The following DENND2D variants were observed in gnomAD, a reference collection of about 807,000 sequenced individuals.
The protein encoded by DENND2D is DENN domain-containing protein 2D.
A neutral mutation model predicts 59.8 loss-of-function variants in DENND2D; 37 were observed. The ratio of observed to expected loss-of-function variants is 0.62; its 90% CI spans 0.48 to 0.81. The LOEUF (loss-of-function observed/expected upper bound fraction) is 0.81. DENND2D is among the 40% of genes least tolerant of loss of function. The pLI is 0.00. For missense variants in DENND2D, 525 were observed against 579.7 expected (o/e 0.91, Z 0.97); for synonymous variants, 219 against 211.3 (o/e 1.04, Z -0.31).
At chr1:111,200,013 G>T in intron 1 of DENND2D, 1 of 639,902 alleles carries the variant, frequency 1.6e-6, no homozygotes, top group Non-Finnish European at 2.6e-6. Flanking sequence ...GAGCCAAGCA[G>T]AGGAAAGAAA....
intron 9 of DENND2D, 31 bp downstream of exon 9, chr1:111,189,181 G>T (rs1480328570): frequency 6.2e-7 from 1 of 1,612,856 alleles, no homozygotes; most frequent in South Asian, 1.1e-5. Flanking sequence ...TTGTTGATAG[G>T]CCTGCAGGGG....
chr1:111,188,256 T>C lies in DENND2D; in HGVS notation c.1214A>G (p.Gln405Arg). 1 of 1,614,234 alleles carries C rather than the reference T, an allele frequency of 6.2e-7. No homozygotes were observed. The highest frequency in any genetic ancestry group is 8.5e-7 in the Non-Finnish European group (1 of 1,180,042). The change falls in exon 11 of 12, where the codon CAA (glutamine) becomes CGA (arginine). Residue 405 changes from glutamine (Q) to arginine (R), a missense_variant. Gln to Arg is a conservative substitution (Grantham distance 43). Coordinates refer to ENST00000357640, the MANE Select transcript of DENND2D (RefSeq NM_024901.5). Reference protein sequence around the residue: ...KREANGQGHFQERSFCKALTS... With the variant: ...KREANGQGHFRERSFCKALTS... The stretch of plus-strand genomic sequence containing the variant: ...CAGAGCCTTACAGAAGGATCTTTCT[T>C]GGAAGTGGCCTTGCCCATTTGCCTC...
rs1194295367 is a variant in DENND2D at position 111,188,220 on chromosome 1, G to A, written c.1250C>T (p.Thr417Ile). 1.9e-6 allele frequency: 3 copies of A among 1,614,180 alleles called. No homozygotes were observed. The highest frequency in any genetic ancestry group is 1.1e-5 in the South Asian group (1 of 91,080). ...RSFCKALTSK[T>I]NRRFVKKFVK... is the part of the protein sequence containing the mutation. ...AAACTTCTTCACAAATCGGCGGTTG[G>A]TCTTGGAGGTCAGAGCCTTACAGAA... is the stretch of plus-strand genomic sequence containing the variant. The change falls in exon 11 of 12, where the codon ACC becomes ATC. Residue 417 changes from threonine (T) to isoleucine (I), a missense_variant. This residue lies in a region of DENND2D where 225 missense variants were observed against 252.4 expected (regional missense o/e 0.89). Transcript: ENST00000357640.
chr1:111,188,477 C>T, intron 10 of DENND2D, 107 bp from the exon 11 acceptor site: 4 of 1,497,244 alleles, frequency 2.7e-6, no homozygotes, highest in Non-Finnish European at 3.6e-6. Context: ...TGGGGAAAGC[C>T]ATAGGGTAGG....
Position 111,197,171 on chromosome 1 carries a change from C to G in DENND2D, c.504+5G>C. On this transcript the variant is annotated splice_donor_5th_base_variant and intron_variant, in intron 5 of 11. Coordinates refer to ENST00000357640, the MANE Select transcript of DENND2D (RefSeq NM_024901.5). ...TGGGCAGGCCCTGAGGAATCCTATC[C>G]CTACCTTGGAGAACAAGCCGAAGCA... 6.2e-7 allele frequency: 1 copy of G among 1,605,982 alleles called. No homozygotes were observed. Among genetic ancestry groups the G allele is most frequent in the South Asian group, 1.1e-5 (1 of 89,814 alleles).
chr1:111,204,494 C>CT, upstream of DENND2D: 1 of 920,328 alleles, frequency 1.1e-6, no homozygotes. Context: ...GCGCACCTTC[C>CT]GGACTCCGGC....
chr1:111,189,081 T>G (rs748783750), intron 9 of DENND2D, 131 bp downstream of exon 9: 7 of 1,037,942 alleles, frequency 6.7e-6, no homozygotes, highest in African/African-American at 1.6e-5. Flanking sequence ...TTGAGAGAGA[T>G]GTGGTCTTTT....
In DENND2D at chr1:111,192,140, C is replaced by G; in HGVS notation, c.972G>C (p.Glu324Asp). ...QQEVMDSPME[E>D]VLLVNLCEGT... ...ATGCACTCTTCTTGCCACATCATACCTCTTCCATAGGGCTGTCCATGACCT... is the reference window on the plus strand; with the variant it reads ...ATGCACTCTTCTTGCCACATCATACGTCTTCCATAGGGCTGTCCATGACCT... The change falls in exon 8 of 12, where the codon GAG (glutamate) becomes GAC (aspartate). Residue 324 changes from glutamate to aspartate, a missense_variant and splice_region_variant. Around this residue, in one of 3 missense-constraint regions of DENND2D, gnomAD observed 225 missense variants for 252.4 expected, o/e 0.89. Transcript: ENST00000357640. 6.3e-7 allele frequency: 1 copy of G among 1,593,920 alleles called. No homozygotes were observed.
chr1:111,195,073 C>G (rs762105174), intron 6 of DENND2D: 4 of 232,238 alleles, frequency 1.7e-5, no homozygotes, highest in Non-Finnish European at 3.3e-5. Context: ...TTCTTACCCT[C>G]TTTCAGGTCA....
chr1:111,204,199 C>T, upstream of DENND2D: 1 of 1,288,486 alleles, frequency 7.8e-7, no homozygotes, highest in East Asian at 3.1e-5. Context: ...GATCTCGACG[C>T]CCCGTGCCGC....
At position 111,187,506 on chromosome 1, in the gene DENND2D, G is replaced by A; in HGVS notation, c.*99C>T. 1 of 943,748 alleles carries A rather than the reference G, an allele frequency of 1.1e-6. No homozygotes were observed. Among genetic ancestry groups the A allele is most frequent in the Non-Finnish European group, 1.7e-6 (1 of 588,878 alleles). 58.5% of individuals were successfully genotyped at this position (943,748 alleles called of 1,614,324 possible). ...TACCAAGACTCAGAGTGAGGATATGGATTTTGGGAGCTGACAGTTTTGCTG... is the reference window on the plus strand; with the variant it reads ...TACCAAGACTCAGAGTGAGGATATGAATTTTGGGAGCTGACAGTTTTGCTG... On this transcript the variant is annotated 3_prime_UTR_variant, in exon 12 of 12. Coordinates refer to ENST00000357640, the MANE Select transcript of DENND2D (RefSeq NM_024901.5).
upstream of DENND2D, among the ~76,000 whole-genome samples, chr1:111,201,697 T>C (rs1461600266): frequency 6.6e-6 from 1 of 152,208 alleles, no homozygotes; most frequent in African/African-American, 2.4e-5. Context: ...CGCCAGTGTT[T>C]GCCACTCCTG....
At chr1:111,199,508 G>A (rs933913375) in intron 2 of DENND2D, 115 bp downstream of exon 2, 2 of 1,200,164 alleles carry the variant, frequency 1.7e-6, no homozygotes, top group African/African-American at 1.5e-5. Context: ...AGAGCTCAGG[G>A]CAGCTCCAGG....
Position 111,199,771 on chromosome 1 carries a change from G to C in DENND2D, c.95C>G (p.Ala32Gly). The change falls in exon 2 of 12, where the codon GCT becomes GGT. Residue 32 changes from alanine to glycine, a missense_variant. By Grantham distance (60) the Ala-to-Gly change is moderately conservative (BLOSUM62 0). Around this residue, in one of 3 missense-constraint regions of DENND2D, gnomAD observed 253 missense variants for 246.4 expected, o/e 1.03. Coordinates refer to ENST00000357640, the MANE Select transcript of DENND2D (RefSeq NM_024901.5). Reference protein sequence around the residue: ...AGPPQDNSGEALKEPERAQEH... With the variant: ...AGPPQDNSGEGLKEPERAQEH... ...CTGGGCCCTTTCTGGTTCCTTTAAA[G>C]CTTCCCCTGAATTGTCCTGGGGTGG... 2 of 1,614,062 alleles carry C rather than the reference G, an allele frequency of 1.2e-6. No homozygotes were observed. The highest frequency in any genetic ancestry group is 1.3e-5 in the African/African-American group (1 of 75,030).
At chr1:111,203,736 C>T (rs1659026976), upstream of DENND2D, among the ~76,000 whole-genome samples, 2 of 152,154 alleles carry the variant, frequency 1.3e-5, no homozygotes, top group African/African-American at 4.8e-5. Flanking sequence ...ACCGCCGCTC[C>T]GCTGGAGGCC....
chr1:111,198,877 A>G, intron 2 of DENND2D, 135 bp from the exon 3 acceptor site: 2 of 821,250 alleles, frequency 2.4e-6, no homozygotes, highest in Non-Finnish European at 3.9e-6. Flanking sequence ...CATAGGGGCG[A>G]AGGGTGCCTT....
chr1:111,194,487 C>T, intron 7 of DENND2D, 91 bp downstream of exon 7: 1 of 1,463,478 alleles, frequency 6.8e-7, no homozygotes, highest in Non-Finnish European at 9.3e-7. Context: ...ATGGACCCTA[C>T]AGCCCATTTT....
chr1:111,203,285 TG>T (rs1452212344), upstream of DENND2D, among the ~76,000 whole-genome samples: 1 of 152,206 alleles, frequency 6.6e-6, no homozygotes, highest in Non-Finnish European at 1.5e-5. Context: ...AAGGGTGCAC[TG>T]ACCTCACTCC....
chr1:111,191,099 T>C (rs1571177962), intron 8 of DENND2D, among the ~76,000 whole-genome samples: 2 of 152,174 alleles, frequency 1.3e-5, no homozygotes, highest in South Asian at 2.1e-4. Context: ...ATTTCTGGGG[T>C]TGGAACATTT....
Sources: gnomAD v4.1 joint callset for allele counts (sites outside exome capture counted in the v4.1 genomes callset) on GRCh38, gnomAD v4.1.1 for gene constraint, gnomAD v4.1.1 regional missense constraint, MANE v1.5 for transcripts, NCBI Gene and HGNC (gene_info 2026-07-23, HGNC 2026-07-21) for gene names.